FAM43B: variants seen among roughly 807,000 people sequenced by gnomAD.
The protein encoded by FAM43B is family with sequence similarity 43 member B.
In FAM43B, 17 loss-of-function variants were observed where a neutral mutation model predicts 20.1. That is an observed-to-expected ratio of 0.84 (90% CI 0.58 to 1.27). The LOEUF (loss-of-function observed/expected upper bound fraction) is 1.27. FAM43B is among the 50% of genes most tolerant of loss of function. The pLI, the probability that FAM43B is intolerant of heterozygous loss-of-function variation, is 0.00. For missense variants in FAM43B, 512 were observed against 516.7 expected (o/e 0.99, Z 0.09); for synonymous variants, 208 against 238.5 (o/e 0.87, Z 1.18).
In FAM43B at chr1:20,553,758, G is replaced by A; in HGVS notation, c.785G>A (p.Ser262Asn). ...AGCCGCGGGGCGCCGCGCCTCAGCA[G>A]CATCCAGGAGGAGGACGAGGAGGAG... ...ERSRGAPRLSSIQEEDEEEEE... is the reference protein window; with the variant it reads ...ERSRGAPRLSNIQEEDEEEEE... The change falls in exon 1 of 1, where the codon AGC becomes AAC. Residue 262 changes from serine (S) to asparagine (N), a missense_variant. Physicochemically the swap from Ser to Asn is conservative, Grantham distance 46. Coordinates refer to ENST00000332947, the MANE Select transcript of FAM43B (RefSeq NM_207334.3). This position sits in a 1 kb window ranked among gnomAD's most constrained non-coding sequence, Gnocchi z 6.5. The A allele has an allele frequency of 1.4e-6, 2 of 1,472,354 alleles. No homozygotes were observed. The highest frequency in any genetic ancestry group is 9.0e-7 in the Non-Finnish European group (1 of 1,107,050). The allele number at this position is 1,472,354 out of a possible 1,614,324, so 91.2% of individuals were successfully genotyped here. A position where few individuals can be genotyped will look rare whatever the true frequency, so the allele number is the denominator to read the frequency against.
chr1:20,553,946 G>A lies in FAM43B; in HGVS notation c.973G>A (p.Ala325Thr). Residue 325 changes from alanine to threonine, a missense_variant, in exon 1 of 1, where the codon GCG becomes ACG. By Grantham distance (58) the Ala-to-Thr change is moderately conservative. Transcript: ENST00000332947. This position sits in a 1 kb window ranked among gnomAD's most constrained non-coding sequence, Gnocchi z 6.5. ...CTGGAAGGCCGGCCCCAGGGAGCGG[G>A]CGGGCCAGGCGCGCTGAGAGCCGAA... ...RRWKAGPRERAGQAR is the reference protein window; with the variant it reads ...RRWKAGPRERTGQAR 1 of 1,226,540 alleles carries A rather than the reference G, an allele frequency of 8.2e-7. No individual in the cohort carries two copies. The highest frequency in any genetic ancestry group is 1.0e-6 in the Non-Finnish European group (1 of 987,512). 76.0% of individuals were successfully genotyped at this position (1,226,540 alleles called of 1,614,324 possible). A position where few individuals can be genotyped will look rare whatever the true frequency, so the allele number is the denominator to read the frequency against.
Position 20,553,288 on chromosome 1 carries a change from C to T in FAM43B, c.315C>T (p.Gly105=), listed in dbSNP as rs12089043. The change falls in exon 1 of 1, where the codon GGC becomes GGT. Residue 105 remains glycine (G), a synonymous_variant. Coordinates refer to ENST00000332947, the MANE Select transcript of FAM43B (RefSeq NM_207334.3). The surrounding 1 kb of genome is among the most constrained non-coding windows in gnomAD (Gnocchi z 6.5). ...AGATCTGGGCTCGCTGCGGGCCTGG[C>T]GGGGGCACTAAGATGAAGCTGACGC... ...VGKIWARCGP[G]GGTKMKLTLG... is the part of the protein sequence containing the mutation. 1,078 of 1,605,132 alleles carry T rather than the reference C, an allele frequency of 6.7e-4. 9 individuals carry two copies. The African/African-American group carries it at 0.013, about 20-fold the overall frequency.
chr1:20,553,064 T>A lies in FAM43B; in HGVS notation c.91T>A (p.Ser31Thr), dbSNP rs770310982. The change falls in exon 1 of 1, where the codon TCG becomes ACG. Residue 31 changes from serine (S) to threonine (T), a missense_variant. Physicochemically the swap from Ser to Thr is moderately conservative, Grantham distance 58. Transcript: ENST00000332947. This position sits in a 1 kb window ranked among gnomAD's most constrained non-coding sequence, Gnocchi z 6.5. ...KSLSPGLAYT[S>T]LLSSFLRSCP... The stretch of plus-strand genomic sequence containing the variant: ...CCTGAGTCCGGGGCTCGCCTACACG[T>A]CGCTGCTCTCCAGCTTCCTGCGCTC... 6.2e-7 allele frequency: 1 copy of A among 1,613,428 alleles called. No individual in the cohort carries two copies. The highest frequency in any genetic ancestry group is 1.1e-5 in the South Asian group (1 of 91,064).
rs1386485467 is a variant in FAM43B, at chr1:20,552,724, C to T, written c.-250C>T. 1.8e-6 allele frequency: 1 copy of T among 566,416 alleles called. No individual in the cohort carries two copies. The allele number at this position is 566,416 out of a possible 1,614,324, so 35.1% of individuals were successfully genotyped here. The stretch of plus-strand genomic sequence containing the variant: ...CTCGCTTCCCAGACGGCTGGAGACA[C>T]TCCCGGGAAAAGCGGTCCTCAGCCA... On this transcript the variant is annotated 5_prime_UTR_variant, in exon 1 of 1. Coordinates refer to ENST00000332947, the MANE Select transcript of FAM43B (RefSeq NM_207334.3).
In FAM43B at chr1:20,553,673, GC is replaced by G; in HGVS notation, c.704del (p.Pro235HisfsTer63). On this transcript the variant is annotated frameshift_variant, in exon 1 of 1. Coordinates refer to ENST00000332947, the MANE Select transcript of FAM43B (RefSeq NM_207334.3). LOFTEE classifies it high-confidence loss of function. This position sits in a 1 kb window ranked among gnomAD's most constrained non-coding sequence, Gnocchi z 6.5. ...GGGCGCCGCCGCCTCGGTGCCCCGC[GC>G]CCCACTGCGCCGCCTGCTCAATGCC... ...AGGAAASVPRAPLRRLLNAKC... is the reference protein window; with the variant it reads ...AGGAAASVPRXPLRRLLNAKC... The G allele has an allele frequency of 7.4e-7, 1 of 1,343,568 alleles. No homozygotes were observed. The highest frequency in any genetic ancestry group is 9.5e-7 in the Non-Finnish European group (1 of 1,048,268). 83.2% of individuals were successfully genotyped at this position (1,343,568 alleles called of 1,614,324 possible).
Position 20,552,741 on chromosome 1 carries a change from C to G in FAM43B, c.-233C>G. On this transcript the variant is annotated 5_prime_UTR_variant, in exon 1 of 1. Transcript: ENST00000332947. ...TGGAGACACTCCCGGGAAAAGCGGTCCTCAGCCACTCGGCCGCCGTCCGCA... is the reference window on the plus strand; with the variant it reads ...TGGAGACACTCCCGGGAAAAGCGGTGCTCAGCCACTCGGCCGCCGTCCGCA... The G allele has an allele frequency of 1.2e-5, 7 of 593,534 alleles. No homozygotes were observed. The highest frequency in any genetic ancestry group is 2.1e-5 in the Non-Finnish European group (7 of 337,764). The allele number at this position is 593,534 out of a possible 1,614,324, so 36.8% of individuals were successfully genotyped here.
At position 20,554,258 on chromosome 1, in the gene FAM43B, A is replaced by C; in HGVS notation, c.*295A>C. 1 of 228,598 alleles carries C rather than the reference A, an allele frequency of 4.4e-6. No homozygotes were observed. The highest frequency in any genetic ancestry group is 9.2e-6 in the Non-Finnish European group (1 of 108,904). The allele number at this position is 228,598 out of a possible 1,614,324, so 14.2% of individuals were successfully genotyped here. A position where few individuals can be genotyped will look rare whatever the true frequency, so the allele number is the denominator to read the frequency against. ...CACAGACCTCCTCATTCCCTCCCAA[A>C]ACATCCTCTCAAGAGAAGGGAGGAG... is the stretch of plus-strand genomic sequence containing the variant. On this transcript the variant is annotated 3_prime_UTR_variant, in exon 1 of 1. Transcript: ENST00000332947.
At position 20,553,906 on chromosome 1, in the gene FAM43B, C is replaced by A; in HGVS notation, c.933C>A (p.Pro311=). Residue 311 remains proline (P), a synonymous_variant, in exon 1 of 1, where the codon CCC becomes CCA. Transcript: ENST00000332947. This position sits in a 1 kb window ranked among gnomAD's most constrained non-coding sequence, Gnocchi z 6.5. ...SLRGAPAPPP[P]AQPRRWKAGP... ...GGGGCGCCCCGGCGCCCCCGCCGCCCGCGCAGCCCCGCCGCTGGAAGGCCG... is the reference window on the plus strand; with the variant it reads ...GGGGCGCCCCGGCGCCCCCGCCGCCAGCGCAGCCCCGCCGCTGGAAGGCCG... The A allele has an allele frequency of 2.4e-6, 3 of 1,260,068 alleles. No homozygotes were observed. Among genetic ancestry groups the A allele is most frequent in the Non-Finnish European group, 3.0e-6 (3 of 1,007,840 alleles). The allele number at this position is 1,260,068 out of a possible 1,614,324, so 78.1% of individuals were successfully genotyped here. A position where few individuals can be genotyped will look rare whatever the true frequency, so the allele number is the denominator to read the frequency against.
Position 20,553,146 on chromosome 1 carries a change from G to C in FAM43B, c.173G>C (p.Ser58Thr), listed in dbSNP as rs1557531041. Residue 58 changes from serine (S) to threonine (T), a missense_variant, in exon 1 of 1, where the codon AGC (serine) becomes ACC (threonine). Transcript: ENST00000332947. The surrounding 1 kb of genome is among the most constrained non-coding windows in gnomAD (Gnocchi z 6.5). The stretch of plus-strand genomic sequence containing the variant: ...GAGCGCTTGGGCCGTGTGTTCCGCA[G>C]CCGGCGCCAGAAAGTGGAGCTCAAC... ...PLERLGRVFRSRRQKVELNKE... is the reference protein window; with the variant it reads ...PLERLGRVFRTRRQKVELNKE... 3 of 1,613,670 alleles carry C rather than the reference G, an allele frequency of 1.9e-6. No homozygotes were observed. Among genetic ancestry groups the C allele is most frequent in the Non-Finnish European group, 2.5e-6 (3 of 1,179,890 alleles).
At position 20,552,728 on chromosome 1, in the gene FAM43B, C is replaced by A. The variant is rs552390124; in HGVS notation, c.-246C>A. On this transcript the variant is annotated 5_prime_UTR_variant, in exon 1 of 1. Coordinates refer to ENST00000332947, the MANE Select transcript of FAM43B (RefSeq NM_207334.3). The stretch of plus-strand genomic sequence containing the variant: ...CTTCCCAGACGGCTGGAGACACTCC[C>A]GGGAAAAGCGGTCCTCAGCCACTCG... 5.4e-5 allele frequency: 31 copies of A among 571,708 alleles called. No individual in the cohort carries two copies. In the African/African-American group the frequency reaches 6.0e-4, roughly 11 times the overall value. 35.4% of individuals were successfully genotyped at this position (571,708 alleles called of 1,614,324 possible).
At position 20,553,902 on chromosome 1, in the gene FAM43B, CGCCCGCGCA is replaced by C; in HGVS notation, c.934_942del (p.Ala312_Pro314del). 1.6e-6 allele frequency: 2 copies of C among 1,271,330 alleles called. No homozygotes were observed. The highest frequency in any genetic ancestry group is 1.6e-5 in the African/African-American group (1 of 63,944). 78.8% of individuals were successfully genotyped at this position (1,271,330 alleles called of 1,614,324 possible). The stretch of plus-strand genomic sequence containing the variant: ...CTGCGGGGCGCCCCGGCGCCCCCGC[CGCCCGCGCA>C]GCCCCGCCGCTGGAAGGCCGGCCCC... On this transcript the variant is annotated inframe_deletion, in exon 1 of 1. Transcript: ENST00000332947. The surrounding 1 kb of genome is among the most constrained non-coding windows in gnomAD (Gnocchi z 6.5).
chr1:20,553,205 G>A lies in FAM43B; in HGVS notation c.232G>A (p.Gly78Ser), dbSNP rs2052151078. 1.2e-6 allele frequency: 2 copies of A among 1,613,618 alleles called. No homozygotes were observed. The highest frequency in any genetic ancestry group is 1.7e-6 in the Non-Finnish European group (2 of 1,179,874). The change falls in exon 1 of 1, where the codon GGC (glycine) becomes AGC (serine). Residue 78 changes from glycine to serine, a missense_variant. Transcript: ENST00000332947. This position sits in a 1 kb window ranked among gnomAD's most constrained non-coding sequence, Gnocchi z 6.5. ...CCCGACCTACACCGTGTGGTACCTGGGCAACGCCGTCACCCTGCACGCCAA... is the reference window on the plus strand; with the variant it reads ...CCCGACCTACACCGTGTGGTACCTGAGCAACGCCGTCACCCTGCACGCCAA... The part of the protein sequence containing the change: ...EDPTYTVWYL[G>S]NAVTLHAKGD...
In FAM43B at chr1:20,554,188, C is replaced by T; in HGVS notation, c.*225C>T. On this transcript the variant is annotated 3_prime_UTR_variant, in exon 1 of 1. Transcript: ENST00000332947. ...CCACACCCGGAGTTTCCCGGGCCTG[C>T]CATTGTGGACCCGCCCCCTATGCTT... 1 of 356,012 alleles carries T rather than the reference C, an allele frequency of 2.8e-6. No individual in the cohort carries two copies. Among genetic ancestry groups the T allele is most frequent in the Non-Finnish European group, 4.9e-6 (1 of 203,516 alleles). The allele number at this position is 356,012 out of a possible 1,614,324, so 22.1% of individuals were successfully genotyped here.
In FAM43B at chr1:20,553,802, G is replaced by C; in HGVS notation, c.829G>C (p.Glu277Gln). Residue 277 changes from glutamate (E) to glutamine (Q), a missense_variant, in exon 1 of 1, where the codon GAG becomes CAG. By Grantham distance (29) the Glu-to-Gln change is conservative. Coordinates refer to ENST00000332947, the MANE Select transcript of FAM43B (RefSeq NM_207334.3). This position sits in a 1 kb window ranked among gnomAD's most constrained non-coding sequence, Gnocchi z 6.5. ...GGAGGAGGAGGAGGACGACGCGGAG[G>C]AGCAAGAGGGAGGAGTCCCCCAGCG... ...DEEEEEDDAEEQEGGVPQRER... is the reference protein window; with the variant it reads ...DEEEEEDDAEQQEGGVPQRER... The C allele has an allele frequency of 6.8e-7, 1 of 1,475,406 alleles. No individual in the cohort carries two copies. The highest frequency in any genetic ancestry group is 9.0e-7 in the Non-Finnish European group (1 of 1,108,142). The allele number at this position is 1,475,406 out of a possible 1,614,324, so 91.4% of individuals were successfully genotyped here.
rs1193988027 is a variant in FAM43B at position 20,553,891 on chromosome 1, G to A, written c.918G>A (p.Pro306=). 3 of 1,292,542 alleles carry A rather than the reference G, an allele frequency of 2.3e-6. No homozygotes were observed. Among genetic ancestry groups the A allele is most frequent in the Non-Finnish European group, 2.9e-6 (3 of 1,022,454 alleles). The allele number at this position is 1,292,542 out of a possible 1,614,324, so 80.1% of individuals were successfully genotyped here. The change falls in exon 1 of 1, where the codon CCG becomes CCA. Residue 306 remains proline, a synonymous_variant. Coordinates refer to ENST00000332947, the MANE Select transcript of FAM43B (RefSeq NM_207334.3). The surrounding 1 kb of genome is among the most constrained non-coding windows in gnomAD (Gnocchi z 6.5). The part of the protein sequence containing the change: ...ELRTCSLRGA[P]APPPPAQPRR... ...GGACGTGCAGCCTGCGGGGCGCCCC[G>A]GCGCCCCCGCCGCCCGCGCAGCCCC... is the stretch of plus-strand genomic sequence containing the variant.
In FAM43B at chr1:20,553,768, GGAGGAC is replaced by G. The variant is rs1244791169; in HGVS notation, c.801_806del (p.Asp267_Glu268del). On this transcript the variant is annotated inframe_deletion, in exon 1 of 1. Coordinates refer to ENST00000332947, the MANE Select transcript of FAM43B (RefSeq NM_207334.3). This position sits in a 1 kb window ranked among gnomAD's most constrained non-coding sequence, Gnocchi z 6.5. ...CGCCGCGCCTCAGCAGCATCCAGGA[GGAGGAC>G]GAGGAGGAGGAGGAGGACGACGCGG... The G allele has an allele frequency of 2.3e-5, 34 of 1,474,672 alleles. No homozygotes were observed. Among genetic ancestry groups the G allele is most frequent in the Non-Finnish European group, 3.1e-5 (34 of 1,108,170 alleles). The allele number at this position is 1,474,672 out of a possible 1,614,324, so 91.3% of individuals were successfully genotyped here. A position where few individuals can be genotyped will look rare whatever the true frequency, so the allele number is the denominator to read the frequency against.
In FAM43B at chr1:20,553,340, C is replaced by T. The variant is rs1382147707; in HGVS notation, c.367C>T (p.Pro123Ser). Residue 123 changes from proline (P) to serine (S), a missense_variant, in exon 1 of 1, where the codon CCG (proline) becomes TCG (serine). Transcript: ENST00000332947. This position sits in a 1 kb window ranked among gnomAD's most constrained non-coding sequence, Gnocchi z 6.5. ...TLGPHGIRMQ[P>S]CERSAAGGSG... is the part of the protein sequence containing the mutation. ...GGGGCCGCACGGCATCCGCATGCAG[C>T]CGTGCGAGCGCAGCGCCGCCGGGGG... 6.6e-7 allele frequency: 1 copy of T among 1,521,470 alleles called. No individual in the cohort carries two copies. Among genetic ancestry groups the T allele is most frequent in the Non-Finnish European group, 8.8e-7 (1 of 1,140,688 alleles). 94.2% of individuals were successfully genotyped at this position (1,521,470 alleles called of 1,614,324 possible). A position where few individuals can be genotyped will look rare whatever the true frequency, so the allele number is the denominator to read the frequency against.
Position 20,553,390 on chromosome 1 carries a change from C to T in FAM43B, c.417C>T (p.His139=). The T allele has an allele frequency of 6.8e-7, 1 of 1,471,312 alleles. No individual in the cohort carries two copies. The allele number at this position is 1,471,312 out of a possible 1,614,324, so 91.1% of individuals were successfully genotyped here. A position where few individuals can be genotyped will look rare whatever the true frequency, so the allele number is the denominator to read the frequency against. ...GTTCGGGGGGCCGCAGGCCGGCGCA[C>T]GCCTACCTGCTGCCGCGCATCACCT... is the stretch of plus-strand genomic sequence containing the variant. ...AGGSGGRRPA[H]AYLLPRITYC... The change falls in exon 1 of 1, where the codon CAC becomes CAT. Residue 139 remains histidine, a synonymous_variant. Coordinates refer to ENST00000332947, the MANE Select transcript of FAM43B (RefSeq NM_207334.3). This position sits in a 1 kb window ranked among gnomAD's most constrained non-coding sequence, Gnocchi z 6.5.
rs1433897360 is a variant in FAM43B, at chr1:20,553,010, G to A, written c.37G>A (p.Glu13Lys). The A allele has an allele frequency of 1.9e-6, 3 of 1,613,526 alleles. No homozygotes were observed. The highest frequency in any genetic ancestry group is 1.7e-4 in the Middle Eastern group (1 of 6,058). The change falls in exon 1 of 1, where the codon GAG becomes AAG. Residue 13 changes from glutamate to lysine, a missense_variant. Coordinates refer to ENST00000332947, the MANE Select transcript of FAM43B (RefSeq NM_207334.3). This position sits in a 1 kb window ranked among gnomAD's most constrained non-coding sequence, Gnocchi z 6.5. Reference sequence around the variant, plus strand: ...GAGACGTAACAAATTCGTGCTGGTGGAGGACGAGGCCAAGTGCAAGGCGAA... The same window carrying A: ...GAGACGTAACAAATTCGTGCTGGTGAAGGACGAGGCCAAGTGCAAGGCGAA... Reference protein sequence around the residue: ...PWRRNKFVLVEDEAKCKAKSL... With the variant: ...PWRRNKFVLVKDEAKCKAKSL...
Sources: gnomAD v4.1 joint callset for allele counts on GRCh38, gnomAD v4.1.1 for gene constraint, Gnocchi (gnomAD v3.1) non-coding constraint, MANE v1.5 for transcripts, NCBI Gene and HGNC (gene_info 2026-07-23, HGNC 2026-07-21) for gene names.